Variants in HHAT observed in about 807,000 individuals in gnomAD.
The protein encoded by HHAT is hedgehog acyltransferase.
In HHAT, 47 loss-of-function variants were observed where a neutral mutation model predicts 70.8. The ratio of observed to expected loss-of-function variants is 0.66; its 90% CI spans 0.53 to 0.85. The LOEUF is 0.85. Among genes scored for constraint, HHAT ranks in the 40% least tolerant of loss-of-function variants. The pLI is 0.00. For missense variants in HHAT, 609 were observed against 604.8 expected (o/e 1.01, Z -0.07); for synonymous variants, 228 against 247.6 (o/e 0.92, Z 0.74).
intron 5 of HHAT, among the ~76,000 whole-genome samples, chr1:210,402,284 A>G (rs79727405): frequency 0.027 from 4,104 of 152,296 alleles, 191 homozygotes; most frequent in African/African-American, 0.088. Context: ...GGAAAACATC[A>G]GGGGTCATAT....
chr1:210,377,129 C>T (rs957094155), intron 3 of HHAT, among the ~76,000 whole-genome samples: 1 of 152,156 alleles, frequency 6.6e-6, no homozygotes, highest in African/African-American at 2.4e-5. Context: ...ATCTTTTTTC[C>T]TTCCACGTTA....
intron 7 of HHAT, among the ~76,000 whole-genome samples, chr1:210,426,012 G>A (rs1325063197): frequency 2.0e-5 from 3 of 151,950 alleles, no homozygotes; most frequent in Non-Finnish European, 2.9e-5. Flanking sequence ...ATCATCTCTG[G>A]TTTCTTTGAG....
intron 11 of HHAT, among the ~76,000 whole-genome samples, chr1:210,670,334 G>C (rs1051254617): frequency 6.6e-6 from 1 of 152,200 alleles, no homozygotes; most frequent in Non-Finnish European, 1.5e-5. Flanking sequence ...GCCTAGGACA[G>C]GGCCAGGCAT....
intron 9 of HHAT, among the ~76,000 whole-genome samples, chr1:210,541,000 C>A (rs564367314): frequency 5.0e-4 from 76 of 152,142 alleles, no homozygotes; most frequent in African/African-American, 1.7e-3. Flanking sequence ...GCCGCCATGC[C>A]CGGCTAATTT....
At chr1:210,525,869 G>A (rs951130242) in intron 9 of HHAT, among the ~76,000 whole-genome samples, 75 of 152,330 alleles carry the variant, frequency 4.9e-4, no homozygotes, top group Admixed American at 4.8e-3. Flanking sequence ...TGAGATCCAT[G>A]GTCTTAGGCC....
At chr1:210,332,502 G>A (rs1329438691) in intron 1 of HHAT, among the ~76,000 whole-genome samples, 4 of 152,154 alleles carry the variant, frequency 2.6e-5, no homozygotes, top group South Asian at 4.1e-4. Context: ...ATTTCAATTC[G>A]CCTAGTTTAC....
intron 7 of HHAT, among the ~76,000 whole-genome samples, chr1:210,424,356 G>A (rs185833449): frequency 6.6e-6 from 1 of 151,884 alleles, no homozygotes; most frequent in Non-Finnish European, 1.5e-5. Flanking sequence ...ACTGATTTTT[G>A]TATAATTGTA....
intron 9 of HHAT, among the ~76,000 whole-genome samples, chr1:210,586,729 T>C (rs1223602658): frequency 6.6e-6 from 1 of 152,192 alleles, no homozygotes; most frequent in Non-Finnish European, 1.5e-5. Flanking sequence ...AAAGAAGCAC[T>C]GATCAGCAAT....
chr1:210,656,340 A>G (rs1370861724), intron 11 of HHAT, among the ~76,000 whole-genome samples: 1 of 152,002 alleles, frequency 6.6e-6, no homozygotes, highest in Non-Finnish European at 1.5e-5. Flanking sequence ...ACCTGGAGCC[A>G]CTCAGCCTAG....
chr1:210,652,507 T>C (rs1458395168), intron 11 of HHAT, among the ~76,000 whole-genome samples: 1 of 152,126 alleles, frequency 6.6e-6, no homozygotes, highest in Non-Finnish European at 1.5e-5. Flanking sequence ...CCTGGAGACA[T>C]CAAGGTGCCC....
chr1:210,573,421 A>G (rs970167504), intron 9 of HHAT, among the ~76,000 whole-genome samples: 1 of 152,164 alleles, frequency 6.6e-6, no homozygotes, highest in African/African-American at 2.4e-5. Flanking sequence ...ATTGTCGGGA[A>G]AGTTAACCCA....
rs115519734 is a variant in HHAT at position 210,509,109 on chromosome 1, T to C, written c.1008-4044T>C. On this transcript the variant is annotated intron_variant, in intron 8 of 11. Transcript: ENST00000261458. ...TGTCAATGGCAAAGACCACATGCAA[T>C]TACTTTTGCACCAACTGAATAACTG... Among the ~76,000 whole-genome samples, 417 of 152,334 alleles carry C rather than the reference T, an allele frequency of 2.7e-3. 4 individuals carry two copies. Among genetic ancestry groups the C allele is most frequent in the African/African-American group, 9.4e-3 (393 of 41,588 alleles).
At chr1:210,572,391 C>CA (rs1249722913) in intron 9 of HHAT, among the ~76,000 whole-genome samples, 1 of 152,106 alleles carries the variant, frequency 6.6e-6, no homozygotes, top group Non-Finnish European at 1.5e-5. Flanking sequence ...TCTTGAGTGT[C>CA]AGTGTTTTGT....
intron 2 of HHAT, among the ~76,000 whole-genome samples, chr1:210,352,130 G>C (rs1400359824): frequency 6.6e-6 from 1 of 152,134 alleles, no homozygotes; most frequent in Non-Finnish European, 1.5e-5. Flanking sequence ...ATAGCTTCTG[G>C]GAACGGGGCG....
chr1:210,575,967 G>A (rs1374274914), intron 9 of HHAT, among the ~76,000 whole-genome samples: 1 of 152,164 alleles, frequency 6.6e-6, no homozygotes, highest in East Asian at 1.9e-4. Flanking sequence ...AGACAGAAGT[G>A]TAGTAGGTAC....
intron 8 of HHAT, among the ~76,000 whole-genome samples, chr1:210,478,471 T>G (rs1209528495): frequency 2.0e-5 from 3 of 148,760 alleles, no homozygotes; most frequent in Non-Finnish European, 4.5e-5. Context: ...GCTGTGGTCC[T>G]TGGCTATTGG....
Position 210,645,943 on chromosome 1 carries a change from A to G in HHAT, c.1390+22273A>G, listed in dbSNP as rs1462250507. ...CTTTGGCCAGAAAGATCAGATTTCC[A>G]TCAGGAGTTTAGCCTCCCTGTTGCT... On this transcript the variant is annotated intron_variant, in intron 11 of 11. Coordinates refer to ENST00000261458, the MANE Select transcript of HHAT (RefSeq NM_018194.6). 3.9e-5 allele frequency among the ~76,000 whole-genome samples: 6 copies of G among 152,202 alleles called. No homozygotes were observed. In the South Asian group the frequency reaches 1.2e-3, roughly 32 times the overall value.
chr1:210,655,092 G>A (rs1271116975), intron 11 of HHAT, among the ~76,000 whole-genome samples: 2 of 152,172 alleles, frequency 1.3e-5, no homozygotes, highest in African/African-American at 2.4e-5. Context: ...TGTGCTCTGA[G>A]GTCACAAACA....
rs372201707 is a variant in HHAT at position 210,390,887 on chromosome 1, A to G, written c.273+3306A>G. 3.3e-5 allele frequency among the ~76,000 whole-genome samples: 5 copies of G among 152,152 alleles called. No homozygotes were observed. In the East Asian group the frequency reaches 9.6e-4, roughly 29 times the overall value. Reference sequence around the variant, plus strand: ...GGTGTATATATACCACATTATCTTTATCCACTCATTGGTTGATGGGCACTT... The same window carrying G: ...GGTGTATATATACCACATTATCTTTGTCCACTCATTGGTTGATGGGCACTT... On this transcript the variant is annotated intron_variant, in intron 4 of 11. Coordinates refer to ENST00000261458, the MANE Select transcript of HHAT (RefSeq NM_018194.6).
Sources: allele counts gnomAD v4.1 joint callset (sites outside exome capture counted in the v4.1 genomes callset), GRCh38; gene constraint gnomAD v4.1.1; transcripts MANE v1.5; gene names NCBI Gene and HGNC (gene_info 2026-07-23, HGNC 2026-07-21).